UTS2B: variants seen among roughly 807,000 people sequenced by gnomAD.
The protein encoded by UTS2B is urotensin-2B.
UTS2B carries 21 observed loss-of-function variants against 19.2 expected under a neutral mutation model. The ratio of observed to expected loss-of-function variants is 1.09; its 90% CI spans 0.78 to 1.58. The LOEUF is 1.58. Ranked by LOEUF, UTS2B falls within the 40% of genes most tolerant of loss-of-function variation. The probability of loss-of-function intolerance (pLI) is 0.00; values close to 1 mark genes in which losing one functional copy is unlikely to be tolerated. For missense variants in UTS2B, 138 were observed against 130.3 expected (o/e 1.06, Z -0.29); for synonymous variants, 57 against 50.2 (o/e 1.14, Z -0.58).
the UTS2B span, among the ~76,000 whole-genome samples, chr3:191,344,022 T>C: frequency 2.0e-5 from 3 of 152,146 alleles, no homozygotes; most frequent in East Asian, 1.9e-4. Flanking sequence ...AGAAGCAGCA[T>C]AGGAGAAATG....
intron 5 of UTS2B, among the ~76,000 whole-genome samples, chr3:191,279,977 G>T (rs2108573627): frequency 6.6e-6 from 1 of 152,088 alleles, no homozygotes; most frequent in Admixed American, 6.5e-5. Flanking sequence ...GGAAATATTT[G>T]AATATAAAAT....
chr3:191,284,740 CT>C (rs1435659566), intron 4 of UTS2B, among the ~76,000 whole-genome samples: 1 of 151,654 alleles, frequency 6.6e-6, no homozygotes, highest in Non-Finnish European at 1.5e-5. Flanking sequence ...TGTTTCACAT[CT>C]TTTTTTCCAC....
intron 3 of UTS2B, among the ~76,000 whole-genome samples, chr3:191,310,516 G>A (rs2108602442): frequency 6.6e-6 from 1 of 152,224 alleles, no homozygotes; most frequent in African/African-American, 2.4e-5. Context: ...ACCAACTTTG[G>A]GCTATGTGAA....
At chr3:191,309,879 A>AT (rs1717245632) in intron 3 of UTS2B, among the ~76,000 whole-genome samples, 5 of 152,306 alleles carry the variant, frequency 3.3e-5, no homozygotes, top group African/African-American at 1.2e-4. Context: ...TTCATCCTGC[A>AT]GAACCATGAG....
intron 3 of UTS2B, among the ~76,000 whole-genome samples, chr3:191,307,928 C>T (rs1049406356): frequency 4.6e-5 from 7 of 151,336 alleles, no homozygotes; most frequent in African/African-American, 1.7e-4. Flanking sequence ...CTCTGCCTCC[C>T]GGGTTAAAGC....
At chr3:191,333,086 T>C (rs1040863140), upstream of UTS2B, among the ~76,000 whole-genome samples, 1 of 151,780 alleles carries the variant, frequency 6.6e-6, no homozygotes, top group Non-Finnish European at 1.5e-5. Flanking sequence ...AAAGTTCCAC[T>C]GTCTCAAAGT....
chr3:191,321,442 G>A (rs1253735739), intron 2 of UTS2B, among the ~76,000 whole-genome samples: 1 of 152,230 alleles, frequency 6.6e-6, no homozygotes, highest in Non-Finnish European at 1.5e-5. Context: ...CTCAAAATAT[G>A]TGGAGATATA....
chr3:191,337,517 G>T, the UTS2B span, among the ~76,000 whole-genome samples: 1 of 151,776 alleles, frequency 6.6e-6, no homozygotes, highest in Admixed American at 6.6e-5. Flanking sequence ...GCTAATTTTT[G>T]TATTTTTAGT....
chr3:191,276,088 A>G (rs1010334965), intron 7 of UTS2B, among the ~76,000 whole-genome samples: 1 of 152,184 alleles, frequency 6.6e-6, no homozygotes, highest in African/African-American at 2.4e-5. Context: ...GCTGGAAGGA[A>G]AAAGTATTTT....
intron 8 of UTS2B, among the ~76,000 whole-genome samples, chr3:191,269,312 G>A (rs1005021144): frequency 1.1e-4 from 17 of 152,092 alleles, no homozygotes; most frequent in African/African-American, 2.2e-4. Flanking sequence ...CAAATACACC[G>A]TAGCCCCTGT....
chr3:191,271,772 C>A (rs1347331235), intron 8 of UTS2B, among the ~76,000 whole-genome samples: 2 of 152,142 alleles, frequency 1.3e-5, no homozygotes, highest in Non-Finnish European at 2.9e-5. Flanking sequence ...CTGATAACTG[C>A]CAAATGTATA....
At chr3:191,295,525 C>A (rs1437231962) in intron 4 of UTS2B, among the ~76,000 whole-genome samples, 18 of 151,810 alleles carry the variant, frequency 1.2e-4, no homozygotes, top group Non-Finnish European at 2.1e-4. Flanking sequence ...TTGATATATT[C>A]CTAGTAGATA....
intron 4 of UTS2B, among the ~76,000 whole-genome samples, chr3:191,301,357 A>G (rs1224117446): frequency 3.3e-5 from 5 of 152,120 alleles, no homozygotes; most frequent in Admixed American, 3.3e-4. Context: ...CACAAGTTTC[A>G]CTGAGTTTCT....
intron 4 of UTS2B, among the ~76,000 whole-genome samples, chr3:191,298,765 G>A (rs983316659): frequency 1.3e-5 from 2 of 152,128 alleles, no homozygotes; most frequent in Non-Finnish European, 2.9e-5. Context: ...AAAATAGGAA[G>A]ATGAGGGAAA....
In UTS2B at chr3:191,329,940, GT is replaced by G. The variant is rs1322338326; in HGVS notation, c.-665+473del. On this transcript the variant is annotated intron_variant, in intron 1 of 8. Coordinates refer to ENST00000340524, the MANE Select transcript of UTS2B (RefSeq NM_198152.5). ...AAGCCCGTTTTTTCTCAAGGGGGTG[GT>G]TGGGGGGGGGGGGGGCTAGCAGCAG... Among the ~76,000 whole-genome samples, 32 of 85,744 alleles carry G rather than the reference GT, an allele frequency of 3.7e-4. 1 individual carries two copies. In the East Asian group the frequency reaches 5.3e-3, roughly 14 times the overall value. The allele number at this position is 85,744 out of a possible 152,430, so 56.3% of individuals were successfully genotyped here.
upstream of UTS2B, among the ~76,000 whole-genome samples, chr3:191,332,773 A>G (rs1177028112): frequency 1.3e-5 from 2 of 152,234 alleles, no homozygotes; most frequent in African/African-American, 2.4e-5. Flanking sequence ...TGAACCAGCA[A>G]TCAAGACTCC....
chr3:191,339,260 G>T, the UTS2B span, among the ~76,000 whole-genome samples: 1 of 152,116 alleles, frequency 6.6e-6, no homozygotes, highest in Non-Finnish European at 1.5e-5. Context: ...TTTTAGAATG[G>T]TCTCTTTCAG....
intron 2 of UTS2B, among the ~76,000 whole-genome samples, chr3:191,319,780 C>G (rs1717565659): frequency 6.7e-6 from 1 of 149,534 alleles, no homozygotes; most frequent in Non-Finnish European, 1.5e-5. Context: ...AGGCAGGAGA[C>G]GTGCTTGAAC....
the UTS2B span, among the ~76,000 whole-genome samples, chr3:191,343,433 T>G: frequency 1.3e-5 from 2 of 152,258 alleles, no homozygotes; most frequent in African/African-American, 2.4e-5. Context: ...AGTTACTGTG[T>G]AAGAGTTTAA....
Sources: allele counts gnomAD v4.1 joint callset (sites outside exome capture counted in the v4.1 genomes callset), GRCh38; gene constraint gnomAD v4.1.1; transcripts MANE v1.5; gene names NCBI Gene and HGNC (gene_info 2026-07-23, HGNC 2026-07-21).